Variants in LEKR1 observed in about 807,000 individuals in gnomAD.
The protein encoded by LEKR1 is protein LEKR1.
A neutral mutation model predicts 72.4 loss-of-function variants in LEKR1; 59 were observed. The ratio of observed to expected loss-of-function variants is 0.82; its 90% CI spans 0.66 to 1.01. The LOEUF (loss-of-function observed/expected upper bound fraction) is 1.01, where lower values mean the gene tolerates loss of function less well. Among genes scored for constraint, LEKR1 ranks in the 50% least tolerant of loss-of-function variants. The probability of loss-of-function intolerance (pLI) is 0.00; values close to 1 mark genes in which losing one functional copy is unlikely to be tolerated. For synonymous variants in LEKR1, 257 were observed against 263.2 expected, an observed-to-expected ratio of 0.98 and a Z score of 0.23; for missense variants, 728 against 759.2, an observed-to-expected ratio of 0.96 and a Z score of 0.48.
chr3:156,964,743 C>T (rs751778481), intron 6 of LEKR1, among the ~76,000 whole-genome samples: 1 of 152,024 alleles, frequency 6.6e-6, no homozygotes, highest in African/African-American at 2.4e-5. Flanking sequence ...ATTAGCCCTG[C>T]GTACAGGAAT....
intron 12 of LEKR1, among the ~76,000 whole-genome samples, chr3:157,031,202 T>C (rs566529871): frequency 6.6e-6 from 1 of 152,258 alleles, no homozygotes; most frequent in Non-Finnish European, 1.5e-5. Context: ...CAAAAGGAGC[T>C]GCAGTTGGAA....
At chr3:156,924,516 G>A in intron 4 of LEKR1, 1 of 683,472 alleles carries the variant, frequency 1.5e-6, no homozygotes, top group South Asian at 1.6e-5. Flanking sequence ...GCTGATGTCT[G>A]TAAGAACTCT....
chr3:156,829,494 G>A (rs755671644), intron 2 of LEKR1, 117 bp downstream of exon 2: 3 of 592,660 alleles, frequency 5.1e-6, no homozygotes, highest in Non-Finnish European at 8.7e-6. Flanking sequence ...TGAATTGGTG[G>A]AGTGGGAGAG....
At chr3:156,929,696 A>G (rs1725031966) in intron 5 of LEKR1, among the ~76,000 whole-genome samples, 1 of 152,108 alleles carries the variant, frequency 6.6e-6, no homozygotes, top group African/African-American at 2.4e-5. Flanking sequence ...CAGAAAACTT[A>G]TGTTAAAGGG....
intron 7 of LEKR1, among the ~76,000 whole-genome samples, chr3:156,981,167 G>C (rs543789679): frequency 6.6e-6 from 1 of 152,184 alleles, no homozygotes; most frequent in Non-Finnish European, 1.5e-5. Context: ...ATCTTGGTTT[G>C]TGTACACTCA....
intron 9 of LEKR1, among the ~76,000 whole-genome samples, chr3:157,007,512 T>G (rs1732554886): frequency 6.6e-6 from 1 of 152,258 alleles, no homozygotes; most frequent in Non-Finnish European, 1.5e-5. Flanking sequence ...AATCCACTGG[T>G]GCCAGTCAGG....
At chr3:156,957,862 CTG>C (rs1456512921) in intron 6 of LEKR1, among the ~76,000 whole-genome samples, 1 of 152,038 alleles carries the variant, frequency 6.6e-6, no homozygotes, top group Non-Finnish European at 1.5e-5. Flanking sequence ...TCATAGGTCA[CTG>C]TAACCTGAAA....
chr3:156,993,729 A>G (rs184610187), intron 9 of LEKR1, among the ~76,000 whole-genome samples: 1 of 152,292 alleles, frequency 6.6e-6, no homozygotes, highest in Admixed American at 6.5e-5. Flanking sequence ...GATATGGCAC[A>G]AGCAAAGATA....
At chr3:156,843,726 CTG>C (rs1391660622) in intron 2 of LEKR1, among the ~76,000 whole-genome samples, 2 of 152,070 alleles carry the variant, frequency 1.3e-5, no homozygotes, top group African/African-American at 2.4e-5. Context: ...TTTTGGGCCA[CTG>C]TGGCTAGGTT....
intron 3 of LEKR1, among the ~76,000 whole-genome samples, chr3:156,866,208 T>A (rs1421686644): frequency 6.6e-6 from 1 of 152,054 alleles, no homozygotes; most frequent in Non-Finnish European, 1.5e-5. Context: ...AGAGCTTAAC[T>A]TTCTCTCTAG....
At chr3:156,880,818 C>G (rs549618875) in intron 3 of LEKR1, among the ~76,000 whole-genome samples, 2 of 152,346 alleles carry the variant, frequency 1.3e-5, no homozygotes, top group East Asian at 1.9e-4. Context: ...AAGTGGGCTT[C>G]ATCCCTGGGA....
rs1715551581 is a variant in LEKR1, at chr3:156,852,885, G to A, written c.166G>A (p.Gly56Arg). Reference protein sequence around the residue: ...AMEKEMKFYQGSVDREKRLQE... With the variant: ...AMEKEMKFYQRSVDREKRLQE... ...GGAAAAAGAGATGAAATTTTATCAA[G>A]GAAGTGTAGATCGTGAAAAGAGACT... is the stretch of plus-strand genomic sequence containing the variant. Residue 56 changes from glycine to arginine, a missense_variant, in exon 3 of 13, where the codon GGA becomes AGA. Physicochemically the swap from Gly to Arg is moderately radical, Grantham distance 125 (BLOSUM62 -2). Transcript: ENST00000356539. 6.5e-7 allele frequency: 1 copy of A among 1,534,772 alleles called. No homozygotes were observed. The highest frequency in any genetic ancestry group is 1.2e-5 in the South Asian group (1 of 83,976).
chr3:157,030,645 C>T lies in LEKR1; in HGVS notation c.1668+2243C>T, dbSNP rs557480878. Among the ~76,000 whole-genome samples the T allele has an allele frequency of 5.9e-5, 9 of 152,188 alleles. No individual in the cohort carries two copies. In the South Asian group the frequency reaches 1.0e-3, roughly 18 times the overall value. On this transcript the variant is annotated intron_variant, in intron 12 of 12. Coordinates refer to ENST00000356539, the MANE Select transcript of LEKR1 (RefSeq NM_001004316.3). Reference sequence around the variant, plus strand: ...TTCAAACAACAAACATTTATTATCTCATAGCTTCTGTGGGTCAGGAATCTG... The same window carrying T: ...TTCAAACAACAAACATTTATTATCTTATAGCTTCTGTGGGTCAGGAATCTG...
intron 2 of LEKR1, among the ~76,000 whole-genome samples, chr3:156,849,283 T>C (rs1355447735): frequency 2.0e-5 from 3 of 152,140 alleles, no homozygotes; most frequent in South Asian, 2.1e-4. Flanking sequence ...GAAGAACATT[T>C]CATGCTCATG....
chr3:156,922,387 A>G (rs899673818), intron 4 of LEKR1, among the ~76,000 whole-genome samples: 2 of 151,946 alleles, frequency 1.3e-5, no homozygotes, highest in Admixed American at 1.3e-4. Context: ...TTGAAGAGGT[A>G]AAGGATTCGT....
intron 5 of LEKR1, among the ~76,000 whole-genome samples, chr3:156,940,650 A>G (rs73873747): frequency 0.034 from 5,165 of 152,262 alleles, 330 homozygotes; most frequent in African/African-American, 0.12. Flanking sequence ...ACTTTTTCCT[A>G]ACTCCATGTT....
rs185252022 is a variant in LEKR1 at position 156,955,176 on chromosome 3, A to G, written c.745+12462A>G. Among the ~76,000 whole-genome samples, 472 of 151,884 alleles carry G rather than the reference A, an allele frequency of 3.1e-3. 1 individual carries two copies. The highest frequency in any genetic ancestry group is 0.011 in the African/African-American group (440 of 41,490). On this transcript the variant is annotated intron_variant, in intron 6 of 12. Transcript: ENST00000356539. ...CTCTTGGCTCACCTGTTGTTGATGT[A>G]TAGGAATGTTTTTGCACATTTATTT...
chr3:156,833,006 A>C (rs897006150), intron 2 of LEKR1, among the ~76,000 whole-genome samples: 4 of 152,244 alleles, frequency 2.6e-5, no homozygotes, highest in African/African-American at 9.6e-5. Flanking sequence ...ATTCTGGAGA[A>C]ATCACGTAGA....
intron 2 of LEKR1, among the ~76,000 whole-genome samples, chr3:156,831,627 A>G (rs1009426938): frequency 1.3e-5 from 2 of 152,200 alleles, no homozygotes; most frequent in African/African-American, 4.8e-5. Flanking sequence ...GATGTCTTAC[A>G]TGATGGCAGG....
Sources: allele counts gnomAD v4.1 joint callset (sites outside exome capture counted in the v4.1 genomes callset), GRCh38; gene constraint gnomAD v4.1.1; transcripts MANE v1.5; gene names NCBI Gene and HGNC (gene_info 2026-07-23, HGNC 2026-07-21).